PGBD2: variants seen among roughly 807,000 people sequenced by gnomAD.
PGBD2 encodes piggyBac transposable element-derived protein 2.
A neutral mutation model predicts 8.1 loss-of-function variants in PGBD2; 6 were observed. That is an observed-to-expected ratio of 0.74 (90% CI 0.40 to 1.46). The LOEUF is 1.46. Ranked by LOEUF, PGBD2 falls within the 40% of genes most tolerant of loss-of-function variation. The pLI, the probability that PGBD2 is intolerant of heterozygous loss-of-function variation, is 0.02. For missense variants in PGBD2, 802 were observed against 739.0 expected (o/e 1.09, Z -0.99); for synonymous variants, 318 against 272.2 (o/e 1.17, Z -1.66).
rs763272625 is a variant in PGBD2, at chr1:248,917,626, A to G, written c.1042A>G (p.Ile348Val). The G allele has an allele frequency of 9.3e-6, 15 of 1,614,112 alleles. No individual in the cohort carries two copies. Among genetic ancestry groups the G allele is most frequent in the South Asian group, 1.1e-5 (1 of 91,086 alleles). Reference sequence around the variant, plus strand: ...GGAGCGTGGTTTTCTGCCATATCACATATTTTTTGACAAGGTTTTCACAAG... The same window carrying G: ...GGAGCGTGGTTTTCTGCCATATCACGTATTTTTTGACAAGGTTTTCACAAG... ...LQERGFLPYHIFFDKVFTSVK... is the reference protein window; with the variant it reads ...LQERGFLPYHVFFDKVFTSVK... Residue 348 changes from isoleucine to valine, a missense_variant, in exon 3 of 3, where the codon ATA (isoleucine) becomes GTA (valine). Physicochemically the swap from Ile to Val is conservative, Grantham distance 29 (BLOSUM62 3). Transcript: ENST00000329291.
At position 248,914,650 on chromosome 1, in the gene PGBD2, A is replaced by G. The variant is rs1453944560; in HGVS notation, c.17+771A>G. On this transcript the variant is annotated intron_variant, in intron 2 of 2. Coordinates refer to ENST00000329291, the MANE Select transcript of PGBD2 (RefSeq NM_170725.3). ...TAGAGGTTGGGGCCTGCAAAGGGGC[A>G]CAGGGAAGCTGCAGGGACCTCTGTG... The G allele has an allele frequency of 4.0e-6, 5 of 1,245,530 alleles. No individual in the cohort carries two copies. In the African/African-American group the frequency reaches 7.7e-5, roughly 19 times the overall value. The allele number at this position is 1,245,530 out of a possible 1,614,324, so 77.2% of individuals were successfully genotyped here. A position where few individuals can be genotyped will look rare whatever the true frequency, so the allele number is the denominator to read the frequency against.
At chr1:248,903,438 C>T (rs1159604802), upstream of PGBD2, among the ~76,000 whole-genome samples, 1 of 152,180 alleles carries the variant, frequency 6.6e-6, no homozygotes, top group Non-Finnish European at 1.5e-5. Context: ...ATTCTCCCAC[C>T]TCAGGCTTCC....
chr1:248,883,400 G>A, the PGBD2 span, among the ~76,000 whole-genome samples: 1,159 of 152,136 alleles, frequency 7.6e-3, 13 homozygotes, highest in African/African-American at 0.026. Context: ...GGGATTACAG[G>A]TGTGAGCCAC....
At chr1:248,893,977 G>C in the PGBD2 span, among the ~76,000 whole-genome samples, 1 of 152,116 alleles carries the variant, frequency 6.6e-6, no homozygotes, top group African/African-American at 2.4e-5. Flanking sequence ...CTGTGGTTTT[G>C]ATTCCTGTTT....
At chr1:248,928,202 A>G in the PGBD2 span, among the ~76,000 whole-genome samples, 1 of 152,202 alleles carries the variant, frequency 6.6e-6, no homozygotes, top group African/African-American at 2.4e-5. Context: ...TTAAAATGCA[A>G]CATGTCTGAA....
At chr1:248,895,482 C>T in the PGBD2 span, among the ~76,000 whole-genome samples, 6 of 152,122 alleles carry the variant, frequency 3.9e-5, no homozygotes, top group Non-Finnish European at 8.8e-5. Context: ...AATAATCATC[C>T]TCGTGTCTGG....
Position 248,918,076 on chromosome 1 carries a change from G to T in PGBD2, c.1492G>T (p.Ala498Ser). Residue 498 changes from alanine (A) to serine (S), a missense_variant, in exon 3 of 3, where the codon GCA becomes TCA. Physicochemically the swap from Ala to Ser is moderately conservative, Grantham distance 99. Transcript: ENST00000329291. Reference sequence around the variant, plus strand: ...TGTCATTGATGCTGCCCTCAACAATGCATGGCAGCTGCATAGAATCTGCTG... The same window carrying T: ...TGTCATTGATGCTGCCCTCAACAATTCATGGCAGCTGCATAGAATCTGCTG... The part of the protein sequence containing the change: ...GYVIDAALNN[A>S]WQLHRICCQD... The T allele has an allele frequency of 6.2e-7, 1 of 1,614,224 alleles. No homozygotes were observed.
the PGBD2 span, among the ~76,000 whole-genome samples, chr1:248,882,835 A>T: frequency 7.2e-5 from 11 of 152,190 alleles, no homozygotes; most frequent in African/African-American, 2.7e-4. Flanking sequence ...CATTGTCTTT[A>T]CACAATCCTG....
chr1:248,920,092 G>T (rs1267549305), downstream of PGBD2: 1 of 151,086 alleles, frequency 6.6e-6, no homozygotes, highest in East Asian at 1.9e-4. Context: ...GGCCAGGCTG[G>T]TCTTGAACTC....
the PGBD2 span, among the ~76,000 whole-genome samples, chr1:248,925,704 G>A: frequency 5.3e-5 from 8 of 151,888 alleles, no homozygotes; most frequent in Non-Finnish European, 8.8e-5. Context: ...GTTTTCTTAG[G>A]ATAATAAGGG....
the PGBD2 span, among the ~76,000 whole-genome samples, chr1:248,873,793 C>T: frequency 6.6e-6 from 1 of 152,172 alleles, no homozygotes; most frequent in Non-Finnish European, 1.5e-5. Flanking sequence ...GGGTGTGACG[C>T]GGCAGGCTGG....
At chr1:248,906,746 T>TGGCTCTGTGCCGGGGC (rs1661654121) in intron 1 of PGBD2, among the ~76,000 whole-genome samples, 1 of 150,164 alleles carries the variant, frequency 6.7e-6, no homozygotes, top group Non-Finnish European at 1.5e-5. Flanking sequence ...TGGGGCGGGG[T>TGGCTCTGTGCCGGGGC]GGCTCTGTGC....
Position 248,917,405 on chromosome 1 carries a change from A to C in PGBD2, c.821A>C (p.Glu274Ala), listed in dbSNP as rs780981240. The C allele has an allele frequency of 1.2e-6, 2 of 1,614,126 alleles. No individual in the cohort carries two copies. Among genetic ancestry groups the C allele is most frequent in the Admixed American group, 3.3e-5 (2 of 60,018 alleles). Residue 274 changes from glutamate to alanine, a missense_variant, in exon 3 of 3, where the codon GAG becomes GCG. Coordinates refer to ENST00000329291, the MANE Select transcript of PGBD2 (RefSeq NM_170725.3). ...TACAGCTTTGGCGAGTCTATGTGTG[A>C]GTACTTTGGGCACCGGGGGTCCAAG... ...EFYSFGESMC[E>A]YFGHRGSKQL... is the part of the protein sequence containing the mutation.
chr1:248,920,212 A>G (rs1472426329), downstream of PGBD2, among the ~76,000 whole-genome samples: 1 of 151,826 alleles, frequency 6.6e-6, no homozygotes, highest in Non-Finnish European at 1.5e-5. Context: ...TTTTTGTTAC[A>G]TAGGTATACA....
At chr1:248,928,202 A>T in the PGBD2 span, among the ~76,000 whole-genome samples, 1 of 152,202 alleles carries the variant, frequency 6.6e-6, no homozygotes, top group Non-Finnish European at 1.5e-5. Context: ...TTAAAATGCA[A>T]CATGTCTGAA....
At chr1:248,922,733 G>A (rs768042718), downstream of PGBD2, among the ~76,000 whole-genome samples, 1 of 152,122 alleles carries the variant, frequency 6.6e-6, no homozygotes, top group Non-Finnish European at 1.5e-5. Flanking sequence ...TTTTGTCTTT[G>A]GTTCTGTTTA....
At chr1:248,925,810 T>A in the PGBD2 span, among the ~76,000 whole-genome samples, 133 of 152,258 alleles carry the variant, frequency 8.7e-4, no homozygotes, top group African/African-American at 3.2e-3. Flanking sequence ...AACATTCCCA[T>A]TGCCAGCGGG....
chr1:248,923,074 A>G (rs2103122346), downstream of PGBD2, among the ~76,000 whole-genome samples: 1 of 152,250 alleles, frequency 6.6e-6, no homozygotes, highest in Middle Eastern at 3.4e-3. Context: ...TCGGCTGTGA[A>G]TCCATCTGGT....
chr1:248,914,304 T>C (rs1338621606), intron 2 of PGBD2: 10 of 716,880 alleles, frequency 1.4e-5, no homozygotes, highest in Non-Finnish European at 1.7e-5. Flanking sequence ...CAGCCTTGGC[T>C]CTGCCCCTGT....
Sources: gnomAD v4.1 joint callset for allele counts (sites outside exome capture counted in the v4.1 genomes callset) on GRCh38, gnomAD v4.1.1 for gene constraint, MANE v1.5 for transcripts, NCBI Gene and HGNC (gene_info 2026-07-23, HGNC 2026-07-21) for gene names.